Variants in UBN2 observed in about 807,000 individuals in gnomAD.
UBN2 encodes ubinuclein 2, also known as ubinuclein-2.
A neutral mutation model predicts 120.2 loss-of-function variants in UBN2; 35 were observed. The ratio of observed to expected loss-of-function variants is 0.29; its 90% confidence interval spans 0.22 to 0.39. UBN2 has a LOEUF of 0.39. Ranked by LOEUF, UBN2 falls within the 10% of genes least tolerant of loss-of-function variation. The pLI, the probability that UBN2 is intolerant of heterozygous loss-of-function variation, is 1.00. For missense variants in UBN2, 1,693 were observed against 1,663.2 expected (o/e 1.02, Z -0.31); for synonymous variants, 661 against 648.7 (o/e 1.02, Z -0.29).
At chr7:139,279,082 A>T (rs955925341) in intron 12 of UBN2, among the ~76,000 whole-genome samples, 8 of 152,018 alleles carry the variant, frequency 5.3e-5, no homozygotes, top group African/African-American at 1.4e-4. Context: ...TTAATTTTTT[A>T]AAAATTGTAT....
the UBN2 span, among the ~76,000 whole-genome samples, chr7:139,324,386 T>C: frequency 6.7e-6 from 1 of 149,560 alleles, no homozygotes; most frequent in Non-Finnish European, 1.5e-5. Flanking sequence ...TGAAACCCCG[T>C]CTCTACTAAA....
intron 9 of UBN2, among the ~76,000 whole-genome samples, chr7:139,272,948 T>G (rs762083483): frequency 3.3e-5 from 5 of 152,236 alleles, no homozygotes; most frequent in Non-Finnish European, 5.9e-5. Flanking sequence ...TCAGTTGCTT[T>G]GCAGTCAGAG....
Position 139,272,435 on chromosome 7 carries a change from T to C in UBN2, c.1710T>C (p.Cys570=), listed in dbSNP as rs766237806. 6.2e-7 allele frequency: 1 copy of C among 1,611,066 alleles called. No homozygotes were observed. The highest frequency in any genetic ancestry group is 8.5e-7 in the Non-Finnish European group (1 of 1,178,684). ...EDCQARSQAK[C]AKLQTDEERE... ...GCCAGGCTCGTAGTCAAGCTAAGTG[T>C]GCCAAGTATGTATCTCTTCTATTTG... The change falls in exon 9 of 18, where the codon TGT becomes TGC. Residue 570 remains cysteine (C), a synonymous_variant. Coordinates refer to ENST00000473989, the MANE Select transcript of UBN2 (RefSeq NM_173569.4).
At chr7:139,273,791 C>T in intron 10 of UBN2, 140 bp from the exon 11 acceptor site, 1 of 648,630 alleles carries the variant, frequency 1.5e-6, no homozygotes, top group Non-Finnish European at 2.4e-6. Flanking sequence ...TTTCATATTG[C>T]AGGTTTGACT....
At chr7:139,281,362 C>A (rs1347437702) in intron 13 of UBN2, among the ~76,000 whole-genome samples, 1 of 152,042 alleles carries the variant, frequency 6.6e-6, no homozygotes, top group African/African-American at 2.4e-5. Flanking sequence ...AAAGAAAATG[C>A]AAATAACCCG....
chr7:139,253,516 C>A (rs951456200), intron 3 of UBN2, among the ~76,000 whole-genome samples: 6 of 152,188 alleles, frequency 3.9e-5, no homozygotes, highest in Non-Finnish European at 5.9e-5. Flanking sequence ...TCTCTAATAT[C>A]TGTTCAATTC....
At chr7:139,266,465 C>T (rs1797103442) in intron 7 of UBN2, 62 bp downstream of exon 7, 3 of 929,816 alleles carry the variant, frequency 3.2e-6, no homozygotes, top group South Asian at 3.2e-5. Context: ...TGTAATAGGC[C>T]TTTGAGATAC....
intron 2 of UBN2, among the ~76,000 whole-genome samples, chr7:139,241,007 C>T (rs745930563): frequency 6.6e-6 from 1 of 152,190 alleles, no homozygotes; most frequent in Non-Finnish European, 1.5e-5. Context: ...TCCCATGCCT[C>T]TCTTTATTCC....
chr7:139,281,894 A>T, intron 13 of UBN2, 111 bp from the exon 14 acceptor site: 1 of 936,636 alleles, frequency 1.1e-6, no homozygotes, highest in African/African-American at 1.6e-5. Flanking sequence ...TTGTACTTCC[A>T]ATTGGTAGTG....
rs929936874 is a variant in UBN2, at chr7:139,295,409, G to A, written c.3994+1428G>A. Among the ~76,000 whole-genome samples the A allele has an allele frequency of 1.2e-4, 18 of 152,070 alleles. 1 individual carries two copies. Among genetic ancestry groups the A allele is most frequent in the African/African-American group, 3.6e-4 (15 of 41,414 alleles). ...CCCCCTGGGTGTAGACAGCTGCTTG[G>A]TATAATGAATCCAGCTGAGGGTAGT... On this transcript the variant is annotated intron_variant, in intron 17 of 17. Transcript: ENST00000473989.
chr7:139,327,398 G>T, the UBN2 span, among the ~76,000 whole-genome samples: 5 of 152,268 alleles, frequency 3.3e-5, no homozygotes, highest in African/African-American at 9.6e-5. Flanking sequence ...ACAGAATACC[G>T]CAGACTAGGT....
chr7:139,271,016 A>G (rs1246699037), intron 8 of UBN2, among the ~76,000 whole-genome samples: 2 of 151,990 alleles, frequency 1.3e-5, no homozygotes, highest in Non-Finnish European at 2.9e-5. Context: ...TCCCGACCTC[A>G]GGTGATCTGC....
chr7:139,329,303 G>A, the UBN2 span, among the ~76,000 whole-genome samples: 1 of 151,826 alleles, frequency 6.6e-6, no homozygotes, highest in East Asian at 1.9e-4. Context: ...GGAGAAATCG[G>A]ATACTCTTGT....
intron 15 of UBN2, 22 bp from the exon 16 acceptor site, chr7:139,293,210 T>A (rs1798011609): frequency 2.5e-6 from 4 of 1,600,558 alleles, no homozygotes; most frequent in Non-Finnish European, 3.4e-6. Context: ...CTTATGTATT[T>A]TGACCCCTGG....
At chr7:139,276,305 A>G in intron 12 of UBN2, 158 bp downstream of exon 12, 1 of 712,320 alleles carries the variant, frequency 1.4e-6, no homozygotes, top group Non-Finnish European at 2.4e-6. Flanking sequence ...TATTGAAATA[A>G]TTGTCAGGGT....
At chr7:139,239,799 C>G (rs1796266008) in intron 2 of UBN2, among the ~76,000 whole-genome samples, 1 of 152,124 alleles carries the variant, frequency 6.6e-6, no homozygotes, top group South Asian at 2.1e-4. Flanking sequence ...TTAGGTAATC[C>G]ACCGCCTTGG....
chr7:139,273,206 C>G (rs1271736633), intron 9 of UBN2, 91 bp from the exon 10 acceptor site: 1 of 722,242 alleles, frequency 1.4e-6, no homozygotes, highest in African/African-American at 1.8e-5. Context: ...TTTTAACATT[C>G]CATTAAGCAA....
rs949348177 is a variant in UBN2 at position 139,258,735 on chromosome 7, A to G, written c.801+110A>G. On this transcript the variant is annotated intron_variant, in intron 4 of 17. Transcript: ENST00000473989. ...TGTAAGGAAAAGTAAAATACAAACC[A>G]TTGTGTCATGAATATATAATTACAT... The G allele has an allele frequency of 5.8e-5, 56 of 958,810 alleles. No individual in the cohort carries two copies. The Admixed American group carries it at 1.6e-3, about 27-fold the overall frequency. 59.4% of individuals were successfully genotyped at this position (958,810 alleles called of 1,614,324 possible).
At chr7:139,297,230 G>A (rs544016676) in intron 17 of UBN2, among the ~76,000 whole-genome samples, 1 of 151,548 alleles carries the variant, frequency 6.6e-6, no homozygotes, top group East Asian at 1.9e-4. Context: ...CCTTGTCCCA[G>A]TAGCAGACTT....
Sources: allele counts gnomAD v4.1 joint callset (sites outside exome capture counted in the v4.1 genomes callset), GRCh38; gene constraint gnomAD v4.1.1; transcripts MANE v1.5; gene names NCBI Gene and HGNC (gene_info 2026-07-23, HGNC 2026-07-21).